The following KLHL8 variants were observed in gnomAD, a reference collection of about 807,000 sequenced individuals.
KLHL8 encodes the protein kelch like family member 8, also known as kelch-like protein 8.
In KLHL8, 38 loss-of-function variants were observed where a neutral mutation model predicts 63.5. That is an observed-to-expected ratio of 0.60 (90% CI 0.46 to 0.78). The LOEUF (loss-of-function observed/expected upper bound fraction) is 0.78, where lower values mean the gene tolerates loss of function less well. Ranked by LOEUF, KLHL8 falls within the 30% of genes least tolerant of loss-of-function variation. The pLI, the probability that KLHL8 is intolerant of heterozygous loss-of-function variation, is 0.00. For missense variants in KLHL8, 566 were observed against 752.4 expected (o/e 0.75, Z 2.90); for synonymous variants, 224 against 254.3 (o/e 0.88, Z 1.13).
At chr4:87,234,537 G>A (rs1245495737) in intron 1 of KLHL8, among the ~76,000 whole-genome samples, 1 of 152,086 alleles carries the variant, frequency 6.6e-6, no homozygotes, top group Non-Finnish European at 1.5e-5. Flanking sequence ...TCAAGCTCAT[G>A]TGCATATTGT....
At chr4:87,214,415 G>GATATATATATATATATATATATATAT (rs58112792) in intron 1 of KLHL8, among the ~76,000 whole-genome samples, 1 of 93,086 alleles carries the variant, frequency 1.1e-5, no homozygotes, top group Admixed American at 1.2e-4. Context: ...GCACATAACA[G>GATATATATATATATATATATATATAT]ATATATATAT....
intron 4 of KLHL8, among the ~76,000 whole-genome samples, chr4:87,179,285 C>A (rs2109980925): frequency 6.6e-6 from 1 of 152,326 alleles, no homozygotes; most frequent in Non-Finnish European, 1.5e-5. Context: ...CCCAATACCA[C>A]TGGGAACAGT....
At chr4:87,212,710 A>G (rs988002433) in intron 1 of KLHL8, among the ~76,000 whole-genome samples, 3 of 152,242 alleles carry the variant, frequency 2.0e-5, no homozygotes, top group African/African-American at 7.2e-5. Flanking sequence ...TCATAAGATT[A>G]TAACACTTTA....
intron 1 of KLHL8, chr4:87,220,089 G>C (rs2110060839): frequency 6.5e-6 from 1 of 152,836 alleles, no homozygotes; most frequent in East Asian, 1.9e-4. Flanking sequence ...AGCTGCCGGG[G>C]AGGCTGACAG....
chr4:87,179,716 G>T (rs556515356), intron 4 of KLHL8, among the ~76,000 whole-genome samples: 12 of 152,032 alleles, frequency 7.9e-5, no homozygotes, highest in Non-Finnish European at 1.2e-4. Flanking sequence ...TTTCAATGCC[G>T]CAGTGAGCTA....
chr4:87,211,603 A>G (rs1351836638), intron 1 of KLHL8, among the ~76,000 whole-genome samples: 1 of 152,180 alleles, frequency 6.6e-6, no homozygotes, highest in African/African-American at 2.4e-5. Flanking sequence ...ACCAGCCTGG[A>G]CAACAAAGCA....
chr4:87,182,760 T>A (rs999080894), intron 4 of KLHL8, among the ~76,000 whole-genome samples: 3 of 152,220 alleles, frequency 2.0e-5, no homozygotes, highest in Non-Finnish European at 2.9e-5. Context: ...ATGTTAGCTA[T>A]GTTTAGTGCC....
At chr4:87,164,161 C>A in intron 8 of KLHL8, 82 bp from the exon 9 acceptor site, 1 of 1,246,562 alleles carries the variant, frequency 8.0e-7, no homozygotes, top group Non-Finnish European at 1.1e-6. Context: ...CTTTTACAAC[C>A]CAATCTTTTA....
chr4:87,199,556 G>A (rs1731828818), intron 1 of KLHL8, among the ~76,000 whole-genome samples: 1 of 149,418 alleles, frequency 6.7e-6, no homozygotes, highest in Non-Finnish European at 1.5e-5. Context: ...CAATAGAGAA[G>A]AAAAGGCAAC....
intron 1 of KLHL8, among the ~76,000 whole-genome samples, chr4:87,201,717 T>TG (rs1193370032): frequency 3.3e-5 from 5 of 152,042 alleles, no homozygotes; most frequent in Non-Finnish European, 7.4e-5. Flanking sequence ...AAATAAGTAA[T>TG]AAAGACAACA....
At chr4:87,194,719 T>C (rs912073059) in intron 2 of KLHL8, among the ~76,000 whole-genome samples, 4 of 152,214 alleles carry the variant, frequency 2.6e-5, no homozygotes, top group African/African-American at 9.6e-5. Context: ...TCCAATTTTA[T>C]TAAAACTGGT....
At chr4:87,205,003 A>T (rs1391611074) in intron 1 of KLHL8, among the ~76,000 whole-genome samples, 1 of 152,218 alleles carries the variant, frequency 6.6e-6, no homozygotes, top group African/African-American at 2.4e-5. Flanking sequence ...ATAAAATGGA[A>T]AAAAAGATTG....
At chr4:87,163,804 C>A in intron 9 of KLHL8, 74 bp downstream of exon 9, 1 of 1,543,852 alleles carries the variant, frequency 6.5e-7, no homozygotes, top group Non-Finnish European at 8.9e-7. Context: ...CGACTAGCAA[C>A]ATTTTAACAC....
At chr4:87,223,102 C>A (rs573802192), upstream of KLHL8, among the ~76,000 whole-genome samples, 1 of 140,832 alleles carries the variant, frequency 7.1e-6, no homozygotes, top group East Asian at 2.1e-4. Flanking sequence ...AGGCCCACAC[C>A]ACCACACCTG....
intron 1 of KLHL8, among the ~76,000 whole-genome samples, chr4:87,235,168 C>T (rs1444650893): frequency 6.6e-6 from 1 of 152,100 alleles, no homozygotes; most frequent in South Asian, 2.1e-4. Context: ...CAGTAATGTC[C>T]TAGGCCTTCA....
rs201306198 is a variant in KLHL8 at position 87,225,629 on chromosome 4, G to A, written n.58-4239C>T. On this transcript the variant is annotated intron_variant and non_coding_transcript_variant, in intron 1 of 1. Transcript: ENST00000506274. ...AACTTGGAATGAAAGGAGTAGGGGT[G>A]CAGCTCTGGGTTAGAGGACATTACT... is the stretch of plus-strand genomic sequence containing the variant. 1.1e-4 allele frequency among the ~76,000 whole-genome samples: 16 copies of A among 152,282 alleles called. No homozygotes were observed. The East Asian group carries it at 2.9e-3, about 28-fold the overall frequency.
chr4:87,237,848 G>GAC (rs1386036271), intron 1 of KLHL8, among the ~76,000 whole-genome samples: 1 of 152,044 alleles, frequency 6.6e-6, no homozygotes, highest in Non-Finnish European at 1.5e-5. Flanking sequence ...ATACAGATTT[G>GAC]ACACTGATAA....
intron 1 of KLHL8, among the ~76,000 whole-genome samples, chr4:87,238,696 T>C (rs1733277621): frequency 6.6e-6 from 1 of 152,208 alleles, no homozygotes; most frequent in Non-Finnish European, 1.5e-5. Context: ...AGTAAAGTTA[T>C]CATTGGAAAA....
chr4:87,237,866 G>C (rs1162688225), intron 1 of KLHL8, among the ~76,000 whole-genome samples: 1 of 152,044 alleles, frequency 6.6e-6, no homozygotes, highest in Non-Finnish European at 1.5e-5. Flanking sequence ...TAATAATAAT[G>C]AGTTCTGTTT....
Sources: gnomAD v4.1 joint callset for allele counts (sites outside exome capture counted in the v4.1 genomes callset) on GRCh38, gnomAD v4.1.1 for gene constraint, MANE v1.5 for transcripts, NCBI Gene and HGNC (gene_info 2026-07-23, HGNC 2026-07-21) for gene names.